The following MET variants were observed in gnomAD, a reference collection of about 807,000 sequenced individuals.
MET encodes MET proto-oncogene, receptor tyrosine kinase.
MET carries 48 observed loss-of-function variants against 133.1 expected under a neutral mutation model. That is an observed-to-expected ratio of 0.36 (90% CI 0.29 to 0.46). MET has a LOEUF of 0.46. MET is among the 20% of genes least tolerant of loss of function. MET has a pLI of 1.00. For missense variants in MET, 1,442 were observed against 1,695.9 expected (o/e 0.85, Z 2.63); for synonymous variants, 628 against 616.5 (o/e 1.02, Z -0.28).
At chr7:116,678,714 G>T (rs1016970788) in intron 1 of MET, among the ~76,000 whole-genome samples, 3 of 27,648 alleles carry the variant, frequency 1.1e-4, no homozygotes, top group Non-Finnish European at 1.8e-4. Context: ...GGCTTTGCTT[G>T]GGACCAGCAT....
rs2116996247 is a variant in MET, at chr7:116,771,880, A to T, written c.2919A>T (p.Ala973=). The T allele has an allele frequency of 6.2e-7, 1 of 1,613,886 alleles. No homozygotes were observed. The highest frequency in any genetic ancestry group is 8.5e-7 in the Non-Finnish European group (1 of 1,179,874). ...DLGSELVRYD[A]RVHTPHLDRL... ...GCAGTGAATTAGTTCGCTACGATGC[A>T]AGAGTACACACTCCTCATTTGGATA... The change falls in exon 14 of 21, where the codon GCA becomes GCT. Residue 973 remains alanine (A), a synonymous_variant. Coordinates refer to ENST00000397752, the MANE Select transcript of MET (RefSeq NM_000245.4).
At chr7:116,716,209 TG>T (rs1357310865) in intron 2 of MET, among the ~76,000 whole-genome samples, 1 of 149,256 alleles carries the variant, frequency 6.7e-6, no homozygotes. Flanking sequence ...GCCAAGATTG[TG>T]CCACTGCACT....
At position 116,757,418 on chromosome 7, in the gene MET, C is replaced by T. The variant is rs1794218432; in HGVS notation, c.1863-19C>T. The T allele has an allele frequency of 6.2e-7, 1 of 1,603,124 alleles. No individual in the cohort carries two copies. Among genetic ancestry groups the T allele is most frequent in the Non-Finnish European group, 8.5e-7 (1 of 1,171,560 alleles). ...TTCCTTGGATTTGTCATGTATTAAA[C>T]TTTGGGTTTTTTTTCCAGATTGAAA... is the stretch of plus-strand genomic sequence containing the variant. On this transcript the variant is annotated intron_variant, in intron 6 of 20. Transcript: ENST00000397752.
rs2116953381 is a variant in MET at position 116,763,040 on chromosome 7, C to G, written c.2365-10C>G. On this transcript the variant is annotated splice_polypyrimidine_tract_variant and intron_variant, in intron 10 of 20. Transcript: ENST00000397752. ...TTCTGTTTACAGTGGATAATTGTGT[C>G]TTTCTCTAGGCATGTCAACATCGCT... 4 of 1,610,666 alleles carry G rather than the reference C, an allele frequency of 2.5e-6. No individual in the cohort carries two copies. The highest frequency in any genetic ancestry group is 3.4e-6 in the Non-Finnish European group (4 of 1,177,006).
chr7:116,703,609 A>G (rs2116623349), intron 2 of MET, among the ~76,000 whole-genome samples: 1 of 152,254 alleles, frequency 6.6e-6, no homozygotes, highest in South Asian at 2.1e-4. Flanking sequence ...ACTTGTTTAA[A>G]ATTAAGTGGA....
Position 116,758,478 on chromosome 7 carries a change from GA to G in MET, c.2124del (p.Glu708AspfsTer17). On this transcript the variant is annotated frameshift_variant, in exon 9 of 21. Transcript: ENST00000397752. LOFTEE classifies it high-confidence loss of function. The stretch of plus-strand genomic sequence containing the variant: ...GTTCAGTGTGTCAAACAGTATTCTT[GA>G]ATGTTATACCCCAGCCCAAACCATT... ...TLKSVSNSILECYTPAQTIST... is the reference protein window; with the variant it reads ...TLKSVSNSILXCYTPAQTIST... The G allele has an allele frequency of 6.2e-7, 1 of 1,613,568 alleles. No individual in the cohort carries two copies. The highest frequency in any genetic ancestry group is 8.5e-7 in the Non-Finnish European group (1 of 1,179,740).
rs544237864 is a variant in MET at position 116,724,652 on chromosome 7, TAAC to T, written c.1201-7014_1201-7012del. 331 of 452,080 alleles carry T rather than the reference TAAC, an allele frequency of 7.3e-4. 1 individual carries two copies. The highest frequency in any genetic ancestry group is 6.1e-3 in the African/African-American group (307 of 49,952). The allele number at this position is 452,080 out of a possible 1,614,324, so 28.0% of individuals were successfully genotyped here. ...ATGATTTGTTCTGACAGCAGACTGA[TAAC>T]AGTTTTTTTTACTCCTTGGAATCGG... On this transcript the variant is annotated intron_variant, in intron 2 of 20. Coordinates refer to ENST00000397752, the MANE Select transcript of MET (RefSeq NM_000245.4).
intron 2 of MET, among the ~76,000 whole-genome samples, chr7:116,716,721 G>A (rs1247059282): frequency 6.6e-6 from 1 of 152,174 alleles, no homozygotes; most frequent in African/African-American, 2.4e-5. Context: ...TGCAGAGACA[G>A]GGCTGGTCCT....
chr7:116,797,771 T>G lies in MET; in HGVS notation c.*1647T>G, dbSNP rs1030372302. The G allele has an allele frequency of 4.4e-6, 1 of 227,356 alleles. No individual in the cohort carries two copies. The highest frequency in any genetic ancestry group is 6.3e-5 in the East Asian group (1 of 15,812). The allele number at this position is 227,356 out of a possible 1,614,324, so 14.1% of individuals were successfully genotyped here. Reference sequence around the variant, plus strand: ...ATGACTGTAAATTGCGATAAGGAAATGTACTGATTGCCAATACACCCCACC... The same window carrying G: ...ATGACTGTAAATTGCGATAAGGAAAGGTACTGATTGCCAATACACCCCACC... On this transcript the variant is annotated 3_prime_UTR_variant, in exon 21 of 21. Transcript: ENST00000397752.
At chr7:116,751,016 A>G (rs1289441925) in intron 5 of MET, among the ~76,000 whole-genome samples, 1 of 152,226 alleles carries the variant, frequency 6.6e-6, no homozygotes, top group African/African-American at 2.4e-5. Flanking sequence ...CAGTATGGCG[A>G]TTCCTCAAGG....
intron 16 of MET, 88 bp from the exon 17 acceptor site, chr7:116,778,688 A>T: frequency 7.4e-7 from 1 of 1,345,648 alleles, no homozygotes; most frequent in Non-Finnish European, 1.1e-6. Flanking sequence ...TGTGTGGTTT[A>T]CCATTTCATT....
At chr7:116,743,327 C>T (rs566061763) in intron 5 of MET, among the ~76,000 whole-genome samples, 17 of 152,194 alleles carry the variant, frequency 1.1e-4, no homozygotes, top group Non-Finnish European at 2.2e-4. Context: ...AGACACCGAG[C>T]AGGAGTTTTT....
In MET at chr7:116,758,398, A is replaced by C. The variant is rs569512412; in HGVS notation, c.2103-61A>C. 18 of 1,522,438 alleles carry C rather than the reference A, an allele frequency of 1.2e-5. No homozygotes were observed. The East Asian group carries it at 4.1e-4, about 34-fold the overall frequency. 94.3% of individuals were successfully genotyped at this position (1,522,438 alleles called of 1,614,324 possible). On this transcript the variant is annotated intron_variant, in intron 8 of 20. Transcript: ENST00000397752. ...TTATATCCTTTTGATTTGTGGATAT[A>C]ATTCTAAAATATGTGTATCTCTAAT...
intron 3 of MET, among the ~76,000 whole-genome samples, chr7:116,733,904 C>T (rs1793116917): frequency 6.6e-6 from 1 of 152,158 alleles, no homozygotes; most frequent in Admixed American, 6.5e-5. Context: ...TTCGAAACCA[C>T]AGAGAATCTA....
intron 3 of MET, among the ~76,000 whole-genome samples, chr7:116,739,662 A>G (rs1311569481): frequency 6.6e-6 from 1 of 152,154 alleles, no homozygotes; most frequent in Non-Finnish European, 1.5e-5. Flanking sequence ...TTCCAATACA[A>G]TTGCAGGGAT....
intron 15 of MET, among the ~76,000 whole-genome samples, chr7:116,775,514 G>A (rs1794965580): frequency 6.6e-6 from 1 of 152,178 alleles, no homozygotes; most frequent in Admixed American, 6.5e-5. Context: ...AACCATCCTG[G>A]CCAACATGGC....
At chr7:116,685,363 A>G (rs1016786554) in intron 1 of MET, among the ~76,000 whole-genome samples, 3 of 152,144 alleles carry the variant, frequency 2.0e-5, no homozygotes, top group African/African-American at 7.2e-5. Context: ...CATGCCCGGC[A>G]TCTCCACTTA....
intron 5 of MET, among the ~76,000 whole-genome samples, chr7:116,751,876 A>G (rs907106214): frequency 6.6e-6 from 1 of 152,086 alleles, no homozygotes; most frequent in Non-Finnish European, 1.5e-5. Flanking sequence ...CCTGGCTAAC[A>G]CGGTGAAACC....
intron 4 of MET, 121 bp from the exon 5 acceptor site, chr7:116,740,731 T>A: frequency 8.1e-7 from 1 of 1,232,014 alleles, no homozygotes; most frequent in Non-Finnish European, 1.2e-6. Flanking sequence ...GCACACATAG[T>A]TGCTAAGTCT....
Sources: gnomAD v4.1 joint callset for allele counts (sites outside exome capture counted in the v4.1 genomes callset) on GRCh38, gnomAD v4.1.1 for gene constraint, MANE v1.5 for transcripts, NCBI Gene and HGNC (gene_info 2026-07-23, HGNC 2026-07-21) for gene names.